The following ARSB variants were observed in gnomAD, a reference collection of about 807,000 sequenced individuals.
ARSB encodes arylsulfatase B, also known as N-acetylgalactosamine-4-sulfatase.
ARSB carries 41 observed loss-of-function variants against 50.9 expected under a neutral mutation model. The observed-to-expected ratio is 0.81, with a 90% CI of 0.63 to 1.04. The LOEUF is 1.04. Ranked by LOEUF, ARSB falls within the 50% of genes least tolerant of loss-of-function variation. The pLI is 0.00. For missense variants in ARSB, 672 were observed against 693.3 expected (o/e 0.97, Z 0.35); for synonymous variants, 269 against 284.8 (o/e 0.94, Z 0.56).
At chr5:78,926,926 G>C (rs1039213654) in intron 4 of ARSB, among the ~76,000 whole-genome samples, 32 of 152,210 alleles carry the variant, frequency 2.1e-4, no homozygotes, top group African/African-American at 7.7e-4. Context: ...CTGTTGCCCA[G>C]GCTGGAGTGC....
At chr5:78,970,343 TTAAC>T (rs1214276809) in intron 1 of ARSB, among the ~76,000 whole-genome samples, 4 of 152,230 alleles carry the variant, frequency 2.6e-5, no homozygotes, top group Admixed American at 6.5e-5. Flanking sequence ...TTCTTCTCAC[TTAAC>T]TATTTGGTTT....
At chr5:78,922,638 A>G (rs1390229882) in intron 4 of ARSB, among the ~76,000 whole-genome samples, 1 of 151,160 alleles carries the variant, frequency 6.6e-6, no homozygotes, top group Non-Finnish European at 1.5e-5. Flanking sequence ...TGTGGTGCCT[A>G]TAAGGAGGGA....
chr5:78,839,319 A>T, intron 6 of ARSB, 37 bp downstream of exon 6: 1 of 1,594,916 alleles, frequency 6.3e-7, no homozygotes, highest in African/African-American at 1.3e-5. Flanking sequence ...TGGTGGGCCA[A>T]TTAGATTTAA....
rs760097028 is a variant in ARSB, at chr5:78,841,165, C to CTAATAATAA, written c.1143-1740_1143-1739insTTATTATTA. 7.3e-3 allele frequency among the ~76,000 whole-genome samples: 720 copies of CTAATAATAA among 98,220 alleles called. 7 individuals carry two copies. The highest frequency in any genetic ancestry group is 0.011 in the Non-Finnish European group (479 of 45,548). The allele number at this position is 98,220 out of a possible 152,430, so 64.4% of individuals were successfully genotyped here. On this transcript the variant is annotated intron_variant, in intron 5 of 7. Transcript: ENST00000264914. Reference sequence around the variant, plus strand: ...ACTACTACTACTACTACTACTACTACTACTAATAATAATAATAATTTGAGC... The same window carrying CTAATAATAA: ...ACTACTACTACTACTACTACTACTACTAATAATAATACTAATAATAATAATAATTTGAGC...
chr5:78,864,415 T>C (rs990486530), intron 5 of ARSB, among the ~76,000 whole-genome samples: 4 of 152,158 alleles, frequency 2.6e-5, no homozygotes, highest in African/African-American at 7.2e-5. Context: ...ATGAGACTTA[T>C]TCACTACCAC....
intron 5 of ARSB, among the ~76,000 whole-genome samples, chr5:78,860,073 G>A (rs545985412): frequency 2.0e-5 from 3 of 152,308 alleles, no homozygotes; most frequent in African/African-American, 4.8e-5. Context: ...TAAGTGCAAC[G>A]TGGTGCTGAG....
chr5:78,869,807 T>C (rs1747026968), intron 5 of ARSB, among the ~76,000 whole-genome samples: 1 of 142,820 alleles, frequency 7.0e-6, no homozygotes, highest in South Asian at 2.3e-4. Context: ...AAGAAATAAC[T>C]AAAATCAGAG....
intron 5 of ARSB, among the ~76,000 whole-genome samples, chr5:78,846,519 T>C (rs1199487768): frequency 1.3e-5 from 2 of 152,194 alleles, no homozygotes; most frequent in African/African-American, 2.4e-5. Context: ...ATATGAGATA[T>C]CTTTTCATTT....
intron 5 of ARSB, among the ~76,000 whole-genome samples, chr5:78,874,047 A>T (rs570571382): frequency 6.6e-6 from 1 of 152,366 alleles, no homozygotes; most frequent in South Asian, 2.1e-4. Context: ...ACAGTAACAT[A>T]GAAAACAAGC....
intron 5 of ARSB, among the ~76,000 whole-genome samples, chr5:78,853,513 G>T (rs571212145): frequency 2.0e-5 from 3 of 152,230 alleles, no homozygotes; most frequent in Non-Finnish European, 4.4e-5. Context: ...AGGGATCAGG[G>T]ACCCACTTGA....
At chr5:78,838,849 A>G (rs1325582205) in intron 6 of ARSB, among the ~76,000 whole-genome samples, 3 of 141,818 alleles carry the variant, frequency 2.1e-5, no homozygotes, top group African/African-American at 7.3e-5. Context: ...ATCAAGCGGA[A>G]TCACTTCCAG....
intron 6 of ARSB, among the ~76,000 whole-genome samples, chr5:78,797,068 C>T (rs1020328403): frequency 5.3e-5 from 8 of 152,098 alleles, no homozygotes; most frequent in African/African-American, 1.9e-4. Context: ...TTAGTAGAGA[C>T]GGGGTTTCAC....
chr5:78,782,104 G>T (rs1048669157), intron 6 of ARSB, 130 bp from the exon 7 acceptor site: 2 of 1,143,232 alleles, frequency 1.7e-6, no homozygotes, highest in African/African-American at 1.6e-5. Context: ...TCTTGCCACA[G>T]AAATGAATCT....
intron 4 of ARSB, among the ~76,000 whole-genome samples, chr5:78,941,650 T>A (rs1049474897): frequency 3.4e-4 from 52 of 152,336 alleles, no homozygotes; most frequent in Admixed American, 8.5e-4. Context: ...TCATGGTGGA[T>A]AAGCTTTTTG....
chr5:78,896,615 G>A lies in ARSB; in HGVS notation c.899-10788C>T, dbSNP rs141711545. On this transcript the variant is annotated intron_variant, in intron 4 of 7. Transcript: ENST00000264914. ...AATTGTGTTAGGCTATTTTGTAGGCGAAATAGAAGTTAAATCCATTTTTAT... is the reference window on the plus strand; with the variant it reads ...AATTGTGTTAGGCTATTTTGTAGGCAAAATAGAAGTTAAATCCATTTTTAT... Among the ~76,000 whole-genome samples, 13 of 152,320 alleles carry A rather than the reference G, an allele frequency of 8.5e-5. No homozygotes were observed. In the East Asian group the frequency reaches 2.1e-3, roughly 25 times the overall value.
intron 4 of ARSB, among the ~76,000 whole-genome samples, chr5:78,909,160 T>C (rs1272008580): frequency 2.0e-5 from 3 of 152,222 alleles, no homozygotes; most frequent in Non-Finnish European, 4.4e-5. Flanking sequence ...GGGTCAAAGT[T>C]TCCTCACTTA....
chr5:78,823,126 T>A (rs988650891), intron 6 of ARSB, among the ~76,000 whole-genome samples: 3 of 152,250 alleles, frequency 2.0e-5, no homozygotes, highest in Admixed American at 2.0e-4. Flanking sequence ...GATGATTAGA[T>A]CCATTTTTCA....
intron 4 of ARSB, among the ~76,000 whole-genome samples, chr5:78,890,331 G>A (rs111721637): frequency 7.7e-4 from 115 of 149,184 alleles, no homozygotes; most frequent in African/African-American, 2.6e-3. Context: ...GCTCACTGCA[G>A]CCTCGATCTC....
intron 6 of ARSB, among the ~76,000 whole-genome samples, chr5:78,782,410 TGA>T (rs1748952370): frequency 6.6e-6 from 1 of 152,208 alleles, no homozygotes; most frequent in African/African-American, 2.4e-5. Flanking sequence ...TTTCAAGCTA[TGA>T]GAGTTCATGC....
Sources: gnomAD v4.1 joint callset for allele counts (sites outside exome capture counted in the v4.1 genomes callset) on GRCh38, gnomAD v4.1.1 for gene constraint, MANE v1.5 for transcripts, NCBI Gene and HGNC (gene_info 2026-07-23, HGNC 2026-07-21) for gene names.